MRC2: variants seen among roughly 807,000 people sequenced by gnomAD.
The protein encoded by MRC2 is mannose receptor C-type 2, also known as C-type mannose receptor 2.
Under a neutral mutation model 206.2 loss-of-function variants are expected in MRC2, and 84 were observed. That is an observed-to-expected ratio of 0.41 (90% CI 0.34 to 0.49). The LOEUF (loss-of-function observed/expected upper bound fraction) is 0.49. MRC2 is among the 20% of genes least tolerant of loss of function. MRC2 has a pLI of 0.31. For missense variants in MRC2, 1,676 were observed against 2,001.5 expected (o/e 0.84, Z 3.10); for synonymous variants, 798 against 800.0 (o/e 1.00, Z 0.04).
At chr17:62,685,624 C>G (rs963177323) in intron 20 of MRC2, among the ~76,000 whole-genome samples, 2 of 152,238 alleles carry the variant, frequency 1.3e-5, no homozygotes, top group Admixed American at 1.3e-4. Flanking sequence ...ACTGCAGCCT[C>G]GACCTCCTAG....
chr17:62,688,672 T>C lies in MRC2; in HGVS notation c.3225+8T>C, dbSNP rs373996908. 4.3e-6 allele frequency: 7 copies of C among 1,613,172 alleles called. No homozygotes were observed. In the African/African-American group the frequency reaches 9.3e-5, roughly 21 times the overall value. On this transcript the variant is annotated splice_region_variant and intron_variant, in intron 22 of 29. Transcript: ENST00000303375. ...CCCAGTGGCAACAAACCGGTGAGGA[T>C]GCCCTCCCTGTTCCCCTCCGCACCG...
In MRC2 at chr17:62,652,627, G is replaced by A. The variant is rs2088569213; in HGVS notation, c.119-11921G>A. Among the ~76,000 whole-genome samples the A allele has an allele frequency of 2.0e-5, 3 of 152,164 alleles. No homozygotes were observed. Among genetic ancestry groups the A allele is most frequent in the Admixed American group, 2.0e-4 (3 of 15,274 alleles). On this transcript the variant is annotated intron_variant, in intron 1 of 29. Transcript: ENST00000303375. The surrounding 1 kb of genome is among the most constrained non-coding windows in gnomAD (Gnocchi z 4.6). ...GCTAGCAGACGGCGCCAGGGGCAGC[G>A]GCCACGCAGACCGGGCATTTGTCTA...
At chr17:62,661,617 T>C (rs1273844037) in intron 1 of MRC2, 1 of 148,958 alleles carries the variant, frequency 6.7e-6, no homozygotes, top group Non-Finnish European at 1.5e-5. Context: ...TCCTTCCTTC[T>C]TTCTTAAGAC....
intron 1 of MRC2, among the ~76,000 whole-genome samples, chr17:62,641,010 A>AT (rs891587341): frequency 5.4e-4 from 79 of 145,136 alleles, no homozygotes; most frequent in Middle Eastern, 7.0e-3. Flanking sequence ...GCCCGGCCTA[A>AT]TTTTTTTTTT....
chr17:62,671,953 A>G lies in MRC2; in HGVS notation c.1307-45A>G. 6.2e-7 allele frequency: 1 copy of G among 1,613,074 alleles called. No homozygotes were observed. The highest frequency in any genetic ancestry group is 8.5e-7 in the Non-Finnish European group (1 of 1,179,308). ...TCCTCCCTACTGGTGGCTGAGGCTG[A>G]CCTCTCAATGTTTTCTCTCCCCTCC... On this transcript the variant is annotated intron_variant, in intron 7 of 29. Coordinates refer to ENST00000303375, the MANE Select transcript of MRC2 (RefSeq NM_006039.5). The surrounding 1 kb of genome is among the most constrained non-coding windows in gnomAD (Gnocchi z 4.5).
At chr17:62,656,076 A>G (rs995647343) in intron 1 of MRC2, among the ~76,000 whole-genome samples, 1 of 151,950 alleles carries the variant, frequency 6.6e-6, no homozygotes, top group Non-Finnish European at 1.5e-5. Flanking sequence ...GAGATGGAAC[A>G]TCACTCTGTT....
Position 62,667,001 on chromosome 17 carries a change from C to CT in MRC2, c.973+132dup. 1.4e-6 allele frequency: 1 copy of CT among 732,018 alleles called. No individual in the cohort carries two copies. The highest frequency in any genetic ancestry group is 1.8e-5 in the South Asian group (1 of 56,854). 45.3% of individuals were successfully genotyped at this position (732,018 alleles called of 1,614,324 possible). A position where few individuals can be genotyped will look rare whatever the true frequency, so the allele number is the denominator to read the frequency against. ...AGGGGAAGCACCGACCTCCACCCCC[C>CT]TCCCCAGACTGCGCCCCCCTAGCCC... On this transcript the variant is annotated intron_variant, in intron 5 of 29. Coordinates refer to ENST00000303375, the MANE Select transcript of MRC2 (RefSeq NM_006039.5). This position sits in a 1 kb window ranked among gnomAD's most constrained non-coding sequence, Gnocchi z 4.1.
intron 1 of MRC2, among the ~76,000 whole-genome samples, chr17:62,654,302 T>TC (rs2088592319): frequency 6.6e-6 from 1 of 152,026 alleles, no homozygotes; most frequent in Admixed American, 6.5e-5. Context: ...GGCCCTGCGT[T>TC]CCTGCCTGCA....
intron 1 of MRC2, among the ~76,000 whole-genome samples, chr17:62,650,689 A>G (rs1395018243): frequency 1.3e-5 from 2 of 152,150 alleles, no homozygotes; most frequent in Non-Finnish European, 2.9e-5. Flanking sequence ...GATTAATGAA[A>G]AGCCTTGGAA....
chr17:62,636,435 G>C (rs886844056), intron 1 of MRC2, among the ~76,000 whole-genome samples: 1 of 147,550 alleles, frequency 6.8e-6, no homozygotes, highest in African/African-American at 2.5e-5. Context: ...ATGAAGATTA[G>C]TAGTAGTTCA....
At position 62,680,280 on chromosome 17, in the gene MRC2, G is replaced by T; in HGVS notation, c.2409G>T (p.Gln803His). ...GGGTGGCCATGCAGTGCGACACACA[G>T]CTGGACTGGATCTGCAAGATCCCCA... Reference protein sequence around the residue: ...LQWVAMQCDTQLDWICKIPRG... With the variant: ...LQWVAMQCDTHLDWICKIPRG... The change falls in exon 15 of 30, where the codon CAG becomes CAT. Residue 803 changes from glutamine to histidine, a missense_variant. Gln to His is a conservative substitution (Grantham distance 24, BLOSUM62 0). This residue lies in a region of MRC2 where 1,354 missense variants were observed against 1,636.6 expected (regional missense o/e 0.83). Transcript: ENST00000303375. The surrounding 1 kb of genome is among the most constrained non-coding windows in gnomAD (Gnocchi z 4.8). 5.6e-6 allele frequency: 9 copies of T among 1,614,084 alleles called. No homozygotes were observed. Among genetic ancestry groups the T allele is most frequent in the Non-Finnish European group, 6.8e-6 (8 of 1,180,000 alleles).
At position 62,667,014 on chromosome 17, in the gene MRC2, G is replaced by A. The variant is rs578075742; in HGVS notation, c.973+144G>A. The A allele has an allele frequency of 3.9e-4, 269 of 686,038 alleles. 4 individuals carry two copies. The highest frequency in any genetic ancestry group is 3.3e-3 in the South Asian group (180 of 53,806). 42.5% of individuals were successfully genotyped at this position (686,038 alleles called of 1,614,324 possible). A position where few individuals can be genotyped will look rare whatever the true frequency, so the allele number is the denominator to read the frequency against. On this transcript the variant is annotated intron_variant, in intron 5 of 29. Coordinates refer to ENST00000303375, the MANE Select transcript of MRC2 (RefSeq NM_006039.5). The surrounding 1 kb of genome is among the most constrained non-coding windows in gnomAD (Gnocchi z 4.1). ...ACCTCCACCCCCCTCCCCAGACTGC[G>A]CCCCCCTAGCCCATGTAGGGCGGCG...
intron 23 of MRC2, 132 bp from the exon 24 acceptor site, chr17:62,689,377 CACCTACCAAGCCT>C: frequency 1.6e-6 from 1 of 614,750 alleles, no homozygotes; most frequent in East Asian, 2.8e-5. Flanking sequence ...ACAGGGCTGA[CACCTACCAAGCCT>C]TGGTCTGGGC....
At chr17:62,669,713 C>A (rs1598986073) in intron 6 of MRC2, among the ~76,000 whole-genome samples, 1 of 151,432 alleles carries the variant, frequency 6.6e-6, no homozygotes, top group East Asian at 2.0e-4. Flanking sequence ...TGTGCCACCA[C>A]GCCCGGCTAA....
At chr17:62,640,498 A>T (rs1477980485) in intron 1 of MRC2, among the ~76,000 whole-genome samples, 1 of 151,944 alleles carries the variant, frequency 6.6e-6, no homozygotes, top group Non-Finnish European at 1.5e-5. Context: ...ACGTACACTG[A>T]TTTCATTTGC....
intron 8 of MRC2, among the ~76,000 whole-genome samples, chr17:62,673,005 T>A (rs1012948998): frequency 2.1e-3 from 263 of 126,112 alleles, no homozygotes; most frequent in African/African-American, 5.5e-3. Context: ...AAAAAAAAAA[T>A]AAAATAAAAA....
chr17:62,640,638 G>T (rs975481223), intron 1 of MRC2, among the ~76,000 whole-genome samples: 1 of 151,794 alleles, frequency 6.6e-6, no homozygotes, highest in African/African-American at 2.4e-5. Flanking sequence ...CTCAGCCTCC[G>T]CAGTAGCTGA....
chr17:62,643,668 G>A (rs888969321), intron 1 of MRC2, among the ~76,000 whole-genome samples: 17 of 152,180 alleles, frequency 1.1e-4, no homozygotes, highest in Non-Finnish European at 2.2e-4. Context: ...AATGGAAAAT[G>A]TTTAAAATCA....
intron 1 of MRC2, among the ~76,000 whole-genome samples, chr17:62,647,015 C>A (rs917270001): frequency 6.6e-6 from 1 of 152,112 alleles, no homozygotes; most frequent in Admixed American, 6.6e-5. Context: ...CTCCGAGATT[C>A]TAATTCAGTA....
Sources: gnomAD v4.1 joint callset for allele counts (sites outside exome capture counted in the v4.1 genomes callset) on GRCh38, gnomAD v4.1.1 for gene constraint, gnomAD v4.1.1 regional missense constraint, Gnocchi (gnomAD v3.1) non-coding constraint, MANE v1.5 for transcripts, NCBI Gene and HGNC (gene_info 2026-07-23, HGNC 2026-07-21) for gene names.